Variants in BNIPL observed in about 807,000 individuals in gnomAD.
The protein encoded by BNIPL is bcl-2/adenovirus E1B 19 kDa-interacting protein 2-like protein.
A neutral mutation model predicts 47.0 loss-of-function variants in BNIPL; 33 were observed. The observed-to-expected ratio is 0.70, with a 90% CI of 0.53 to 0.94. BNIPL has a LOEUF of 0.94. Ranked by LOEUF, BNIPL falls within the 40% of genes least tolerant of loss-of-function variation. BNIPL has a pLI of 0.00. For missense variants in BNIPL, 404 were observed against 445.2 expected, an observed-to-expected ratio of 0.91 and a Z score of 0.83; for synonymous variants, 145 against 162.7, an observed-to-expected ratio of 0.89 and a Z score of 0.83.
chr1:151,043,581 A>G lies in BNIPL; in HGVS notation c.720-15A>G. On this transcript the variant is annotated splice_polypyrimidine_tract_variant and intron_variant, in intron 6 of 9. Transcript: ENST00000368931. ...GCCCCTAACACATACCTTCCCTGCA[A>G]TTTCATCCCCCCAGGTATATGGTGG... The G allele has an allele frequency of 6.2e-7, 1 of 1,607,244 alleles. No homozygotes were observed. Among genetic ancestry groups the G allele is most frequent in the Non-Finnish European group, 8.5e-7 (1 of 1,174,184 alleles).
At chr1:151,044,623 T>G (rs912601987) in intron 7 of BNIPL, among the ~76,000 whole-genome samples, 12 of 152,004 alleles carry the variant, frequency 7.9e-5, no homozygotes, top group African/African-American at 2.9e-4. Flanking sequence ...TTTTTGTATT[T>G]TTGTTGTTGT....
Position 151,046,929 on chromosome 1 carries a change from A to AT in BNIPL, c.*246dup, listed in dbSNP as rs1243884539. Reference sequence around the variant, plus strand: ...GGGACGGAAGGCTGAATGTAGGGTCATTTTGTATGGGATATGCAGAGCTCT... The same window carrying AT: ...GGGACGGAAGGCTGAATGTAGGGTCATTTTTGTATGGGATATGCAGAGCTCT... On this transcript the variant is annotated 3_prime_UTR_variant, in exon 10 of 10. Coordinates refer to ENST00000368931, the MANE Select transcript of BNIPL (RefSeq NM_138278.4). 1 of 434,502 alleles carries AT rather than the reference A, an allele frequency of 2.3e-6. No individual in the cohort carries two copies. The highest frequency in any genetic ancestry group is 4.1e-6 in the Non-Finnish European group (1 of 244,414). The allele number at this position is 434,502 out of a possible 1,614,324, so 26.9% of individuals were successfully genotyped here. A position where few individuals can be genotyped will look rare whatever the true frequency, so the allele number is the denominator to read the frequency against.
intron 4 of BNIPL, among the ~76,000 whole-genome samples, chr1:151,041,156 G>A (rs895068224): frequency 6.6e-6 from 1 of 152,016 alleles, no homozygotes; most frequent in Non-Finnish European, 1.5e-5. Context: ...CTCCACTCCA[G>A]CCTGGAAGAC....
rs587700591 is a variant in BNIPL at position 151,042,020 on chromosome 1, A to T, written c.434-936A>T. On this transcript the variant is annotated intron_variant, in intron 4 of 9. Transcript: ENST00000368931. ...AAATATGAGGGAGAATAAGAAGAAT[A>T]ATTTATTTATTATTATTATTATTAT... is the stretch of plus-strand genomic sequence containing the variant. 2.0e-5 allele frequency among the ~76,000 whole-genome samples: 3 copies of T among 151,718 alleles called. No individual in the cohort carries two copies. The South Asian group carries it at 6.2e-4, about 32-fold the overall frequency.
At position 151,043,664 on chromosome 1, in the gene BNIPL, C is replaced by T; in HGVS notation, c.788C>T (p.Thr263Ile). 1 of 1,613,404 alleles carries T rather than the reference C, an allele frequency of 6.2e-7. No individual in the cohort carries two copies. The highest frequency in any genetic ancestry group is 8.5e-7 in the Non-Finnish European group (1 of 1,179,336). Reference sequence around the variant, plus strand: ...CTGCTTGTTCATTTGAGTGGAGGCACAAGCAGGGCCCAAGTTCCACCTCTA... The same window carrying T: ...CTGCTTGTTCATTTGAGTGGAGGCATAAGCAGGGCCCAAGTTCCACCTCTA... ...NYLLVHLSGG[T>I]SRAQVPPLSW... is the part of the protein sequence containing the mutation. Residue 263 changes from threonine to isoleucine, a missense_variant, in exon 7 of 10, where the codon ACA becomes ATA. Coordinates refer to ENST00000368931, the MANE Select transcript of BNIPL (RefSeq NM_138278.4).
At chr1:151,044,978 C>G in intron 7 of BNIPL, 1 of 1,279,960 alleles carries the variant, frequency 7.8e-7, no homozygotes, top group Non-Finnish European at 1.0e-6. Context: ...AGAAAAAGAC[C>G]AGGTGGTCGG....
At chr1:151,038,748 C>T (rs1205398760) in intron 3 of BNIPL, 48 bp from the exon 4 acceptor site, 36 of 1,554,530 alleles carry the variant, frequency 2.3e-5, no homozygotes, top group Non-Finnish European at 3.1e-5. Context: ...CCTCTCGGCT[C>T]TCCAACACAC....
intron 1 of BNIPL, 170 bp from the exon 2 acceptor site, chr1:151,037,397 T>C: frequency 7.4e-7 from 1 of 1,351,136 alleles, no homozygotes; most frequent in Non-Finnish European, 9.6e-7. Flanking sequence ...GCAGGTAATC[T>C]GCTTCTAGCA....
chr1:151,040,811 AAAG>A (rs1323318349), intron 4 of BNIPL, among the ~76,000 whole-genome samples: 1 of 147,172 alleles, frequency 6.8e-6, no homozygotes, highest in East Asian at 2.0e-4. Context: ...AAAAAAAAAA[AAAG>A]AAGAAGCAGC....
In BNIPL at chr1:151,045,882, A is replaced by T; in HGVS notation, c.937A>T (p.Ser313Cys). The part of the protein sequence containing the change: ...AFLALLRPFI[S>C]SKFTRKIRFL... ...TCTGGCACTGCTTCGGCCCTTCATCAGGTACTAGTTCTAGGAACAAGGACT... is the reference window on the plus strand; with the variant it reads ...TCTGGCACTGCTTCGGCCCTTCATCTGGTACTAGTTCTAGGAACAAGGACT... The change falls in exon 8 of 10, where the codon AGT becomes TGT. Residue 313 changes from serine (S) to cysteine (C), a missense_variant and splice_region_variant. Transcript: ENST00000368931. 6.2e-7 allele frequency: 1 copy of T among 1,614,178 alleles called. No individual in the cohort carries two copies. The highest frequency in any genetic ancestry group is 8.5e-7 in the Non-Finnish European group (1 of 1,180,038).
chr1:151,043,831 C>T (rs1205249702), intron 7 of BNIPL, 104 bp downstream of exon 7: 9 of 1,349,414 alleles, frequency 6.7e-6, no homozygotes, highest in Non-Finnish European at 9.0e-6. Flanking sequence ...TTTCTTTGTC[C>T]TTTTACGTTC....
rs371130481 is a variant in BNIPL, at chr1:151,042,945, C to T, written c.434-11C>T. On this transcript the variant is annotated splice_polypyrimidine_tract_variant and intron_variant, in intron 4 of 9. Coordinates refer to ENST00000368931, the MANE Select transcript of BNIPL (RefSeq NM_138278.4). ...CTGCCTTGTTGATCCTTCCCCATCC[C>T]TCTCTTTTAGATGAACTACCCCGGG... 3.5e-5 allele frequency: 54 copies of T among 1,526,382 alleles called. No homozygotes were observed. The African/African-American group carries it at 6.4e-4, about 18-fold the overall frequency. The allele number at this position is 1,526,382 out of a possible 1,614,324, so 94.6% of individuals were successfully genotyped here.
chr1:151,042,655 A>G (rs1305406111), intron 4 of BNIPL, among the ~76,000 whole-genome samples: 1 of 151,948 alleles, frequency 6.6e-6, no homozygotes. Context: ...TTCTACAAAA[A>G]ATACAAAAAT....
At position 151,038,823 on chromosome 1, in the gene BNIPL, T is replaced by C. The variant is rs375157772; in HGVS notation, c.230T>C (p.Leu77Pro). 11 of 1,606,556 alleles carry C rather than the reference T, an allele frequency of 6.8e-6. No homozygotes were observed. In the African/African-American group the frequency reaches 1.3e-4, roughly 20 times the overall value. Residue 77 changes from leucine to proline, a missense_variant, in exon 4 of 10, where the codon CTG (leucine) becomes CCG (proline). Transcript: ENST00000368931. ...AAAGTPSTLA[L>P]CGQRPMRKRL... ...GCAGGTACCCCCAGCACTTTAGCCC[T>C]GTGTGGCCAGCGCCCCATGCGCAAG...
chr1:151,038,476 T>C (rs751474355), intron 2 of BNIPL, 28 bp from the exon 3 acceptor site: 35 of 1,568,622 alleles, frequency 2.2e-5, no homozygotes, highest in Non-Finnish European at 2.9e-5. Context: ...TGTATATGTC[T>C]GCCGCCTTTT....
chr1:151,041,735 A>G (rs1675829303), intron 4 of BNIPL, among the ~76,000 whole-genome samples: 3 of 152,238 alleles, frequency 2.0e-5, no homozygotes, highest in African/African-American at 7.2e-5. Context: ...GCACTTTGGG[A>G]TGCCAAGGCA....
At chr1:151,040,611 C>T (rs1414079157) in intron 4 of BNIPL, among the ~76,000 whole-genome samples, 1 of 151,290 alleles carries the variant, frequency 6.6e-6, no homozygotes, top group Admixed American at 6.6e-5. Context: ...GCCTGAGCAA[C>T]ATGGAGAAAG....
intron 8 of BNIPL, 79 bp from the exon 9 acceptor site, chr1:151,045,982 CTCTACT>C: frequency 6.2e-7 from 1 of 1,612,568 alleles, no homozygotes; most frequent in Admixed American, 1.7e-5. Flanking sequence ...GCCTTAACCA[CTCTACT>C]TCTACATTTT....
chr1:151,042,256 A>G (rs1675851133), intron 4 of BNIPL, among the ~76,000 whole-genome samples: 1 of 151,400 alleles, frequency 6.6e-6, no homozygotes, highest in African/African-American at 2.4e-5. Flanking sequence ...TGTTGTTGTT[A>G]TTGTTTTGTA....
Sources: gnomAD v4.1 joint callset for allele counts (sites outside exome capture counted in the v4.1 genomes callset) on GRCh38, gnomAD v4.1.1 for gene constraint, MANE v1.5 for transcripts, NCBI Gene and HGNC (gene_info 2026-07-23, HGNC 2026-07-21) for gene names.